HERC2: variants seen among roughly 807,000 people sequenced by gnomAD.
HERC2 encodes E3 ubiquitin-protein ligase HERC2.
Under a neutral mutation model 537.7 loss-of-function variants are expected in HERC2, and 102 were observed. The observed-to-expected ratio is 0.19, with a 90% confidence interval of 0.16 to 0.22. The LOEUF (loss-of-function observed/expected upper bound fraction) is 0.22, where lower values mean the gene tolerates loss of function less well. Ranked by LOEUF, HERC2 falls within the 10% of genes least tolerant of loss-of-function variation. The pLI, the probability that HERC2 is intolerant of heterozygous loss-of-function variation, is 1.00. For missense variants in HERC2, 4,236 were observed against 6,198.2 expected, an observed-to-expected ratio of 0.68 and a Z score of 10.63; for synonymous variants, 2,224 against 2,466.2, an observed-to-expected ratio of 0.90 and a Z score of 2.91.
rs528489578 is a variant in HERC2, at chr15:28,113,985, A to T, written c.13914-307T>A. Among the ~76,000 whole-genome samples the T allele has an allele frequency of 6.6e-6, 1 of 152,184 alleles. No individual in the cohort carries two copies. Among genetic ancestry groups the T allele is most frequent in the South Asian group, 2.1e-4 (1 of 4,818 alleles). On this transcript the variant is annotated intron_variant, in intron 90 of 92. Coordinates refer to ENST00000261609, the MANE Select transcript of HERC2 (RefSeq NM_004667.6). The surrounding 1 kb of genome is among the most constrained non-coding windows in gnomAD (Gnocchi z 7.0). ...AAGCCAGCACCAAGAGGGGAAACACATGTGCATCCGCCCCAGGCCCGAGAC... is the reference window on the plus strand; with the variant it reads ...AAGCCAGCACCAAGAGGGGAAACACTTGTGCATCCGCCCCAGGCCCGAGAC...
intron 34 of HERC2, among the ~76,000 whole-genome samples, chr15:28,228,993 A>G (rs1409470421): frequency 6.6e-6 from 1 of 152,242 alleles, no homozygotes; most frequent in African/African-American, 2.4e-5. Context: ...GTTATACTAG[A>G]GTACTTCAAC....
intron 12 of HERC2, 42 bp from the exon 13 acceptor site, chr15:28,266,016 G>T: frequency 1.3e-6 from 2 of 1,598,352 alleles, no homozygotes; most frequent in South Asian, 1.1e-5. Context: ...CTTCTTCTTG[G>T]TGTTATTTCT....
chr15:28,147,654 T>C (rs1335175292), intron 70 of HERC2, among the ~76,000 whole-genome samples: 1 of 151,802 alleles, frequency 6.6e-6, no homozygotes, highest in Non-Finnish European at 1.5e-5. Flanking sequence ...CACACCTCAT[T>C]CTAAAAGTTG....
chr15:28,214,587 C>A, intron 40 of HERC2, 68 bp downstream of exon 40: 1 of 1,521,756 alleles, frequency 6.6e-7, no homozygotes, highest in Non-Finnish European at 8.9e-7. Context: ...AGGGAAACGG[C>A]CACCCACCTG....
chr15:28,259,209 C>T (rs1450452530), intron 16 of HERC2, among the ~76,000 whole-genome samples: 2 of 152,178 alleles, frequency 1.3e-5, no homozygotes, highest in Non-Finnish European at 2.9e-5. Context: ...ATTCTCCTGC[C>T]TTAGCCTCCT....
rs935418191 is a variant in HERC2 at position 28,117,042 on chromosome 15, G to A, written c.13385C>T (p.Pro4462Leu). 5 of 1,614,078 alleles carry A rather than the reference G, an allele frequency of 3.1e-6. No individual in the cohort carries two copies. The African/African-American group carries it at 5.3e-5, about 17-fold the overall frequency. The change falls in exon 87 of 93, where the codon CCT becomes CTT. Residue 4462 changes from proline to leucine, a missense_variant. Transcript: ENST00000261609. ...SSFGPDSLLL[P>L]HRVWKVKFVG... ...AAACTTGACTTTCCAGACACGGTGA[G>A]GAAGGAGGAGGCTGTCGGGACCAAA...
chr15:28,123,663 C>T (rs768605006), intron 85 of HERC2, among the ~76,000 whole-genome samples: 4 of 152,206 alleles, frequency 2.6e-5, no homozygotes, highest in African/African-American at 4.8e-5. Flanking sequence ...GCCCAATCGC[C>T]GGCCTTCCTG....
chr15:28,220,325 G>C (rs920882050), intron 37 of HERC2, 127 bp downstream of exon 37: 31 of 845,804 alleles, frequency 3.7e-5, no homozygotes, highest in Middle Eastern at 7.0e-4. Flanking sequence ...TGCAGGCTCC[G>C]AGGACAGAGC....
chr15:28,145,489 C>A (rs1188336997), intron 71 of HERC2, among the ~76,000 whole-genome samples: 2 of 152,238 alleles, frequency 1.3e-5, no homozygotes, highest in Non-Finnish European at 2.9e-5. Context: ...CACTGGCAGA[C>A]ATCTGTCAAA....
chr15:28,158,360 T>C (rs1893227548), intron 69 of HERC2, among the ~76,000 whole-genome samples: 1 of 152,210 alleles, frequency 6.6e-6, no homozygotes, highest in Non-Finnish European at 1.5e-5. Flanking sequence ...ATTATTATTG[T>C]GTGGGAGTCG....
At chr15:28,236,313 G>A (rs2346096) in intron 26 of HERC2, among the ~76,000 whole-genome samples, 9 of 151,486 alleles carry the variant, frequency 5.9e-5, no homozygotes, top group East Asian at 4.1e-4. Context: ...CTTTTGAGAC[G>A]GAGTCTCGCT....
In HERC2 at chr15:28,132,267, G is replaced by A. The variant is rs373616417; in HGVS notation, c.12409-6C>T. The A allele has an allele frequency of 1.2e-6, 2 of 1,601,718 alleles. No individual in the cohort carries two copies. Among genetic ancestry groups the A allele is most frequent in the African/African-American group, 1.3e-5 (1 of 74,612 alleles). ...TGGCCCTGCAGCGCCTCCACCTTCA[G>A]AGAAAAGGGACTTGGGTTGGCCAAG... On this transcript the variant is annotated splice_polypyrimidine_tract_variant and splice_region_variant and intron_variant, in intron 80 of 92. Coordinates refer to ENST00000261609, the MANE Select transcript of HERC2 (RefSeq NM_004667.6).
intron 20 of HERC2, among the ~76,000 whole-genome samples, chr15:28,250,850 GA>G (rs1253674335): frequency 6.6e-6 from 1 of 152,126 alleles, no homozygotes; most frequent in Non-Finnish European, 1.5e-5. Context: ...AGACAGCCTG[GA>G]TATCGGCTAC....
intron 57 of HERC2, among the ~76,000 whole-genome samples, 173 bp from the exon 58 acceptor site, chr15:28,179,396 G>A (rs1895611825): frequency 6.6e-6 from 1 of 152,220 alleles, no homozygotes; most frequent in African/African-American, 2.4e-5. Context: ...TAATGGAGCT[G>A]AAAAATCCTT....
chr15:28,263,754 GGGCAT>G (rs1173621021), intron 14 of HERC2, among the ~76,000 whole-genome samples: 2 of 152,138 alleles, frequency 1.3e-5, no homozygotes, highest in East Asian at 3.9e-4. Flanking sequence ...TTGTTAGGCT[GGGCAT>G]GGTAGCTCAC....
At chr15:28,240,975 A>G (rs1903049525) in intron 23 of HERC2, among the ~76,000 whole-genome samples, 1 of 152,366 alleles carries the variant, frequency 6.6e-6, no homozygotes, top group Admixed American at 6.5e-5. Context: ...TCTTCATGAC[A>G]CTGAATTTGG....
intron 37 of HERC2, among the ~76,000 whole-genome samples, chr15:28,219,280 G>C (rs2140487205): frequency 6.6e-6 from 1 of 152,364 alleles, no homozygotes; most frequent in East Asian, 1.9e-4. Flanking sequence ...CTGGCTTTGG[G>C]ATGAGGAGAT....
At chr15:28,293,143 T>G in intron 3 of HERC2, 121 bp from the exon 4 acceptor site, 1 of 824,310 alleles carries the variant, frequency 1.2e-6, no homozygotes, top group Non-Finnish European at 1.9e-6. Context: ...TTGGACAACG[T>G]AAAAATAAAA....
intron 19 of HERC2, among the ~76,000 whole-genome samples, chr15:28,255,106 TG>T (rs1025866133): frequency 6.6e-6 from 1 of 151,882 alleles, no homozygotes; most frequent in African/African-American, 2.4e-5. Flanking sequence ...GAGGACAAGG[TG>T]GGGGGATCAC....
Sources: allele counts gnomAD v4.1 joint callset (sites outside exome capture counted in the v4.1 genomes callset), GRCh38; gene constraint gnomAD v4.1.1; non-coding constraint Gnocchi (gnomAD v3.1); transcripts MANE v1.5; gene names NCBI Gene and HGNC (gene_info 2026-07-23, HGNC 2026-07-21).